The following ACTR3B variants were observed in gnomAD, a reference collection of about 807,000 sequenced individuals.
ACTR3B encodes the protein actin related protein 3B, also known as actin-related protein 3B.
A neutral mutation model predicts 59.0 loss-of-function variants in ACTR3B; 8 were observed. The observed-to-expected ratio is 0.14, with a 90% CI of 0.08 to 0.24. The LOEUF (loss-of-function observed/expected upper bound fraction) is 0.24, where lower values mean the gene tolerates loss of function less well. Ranked by LOEUF, ACTR3B falls within the 10% of genes least tolerant of loss-of-function variation. The pLI is 1.00. For missense variants in ACTR3B, 245 were observed against 552.3 expected, an observed-to-expected ratio of 0.44 and a Z score of 5.58; for synonymous variants, 148 against 197.9, an observed-to-expected ratio of 0.75 and a Z score of 2.12.
chr7:152,840,743 T>TGGAGG (rs1797820565), intron 9 of ACTR3B, among the ~76,000 whole-genome samples: 1 of 72,552 alleles, frequency 1.4e-5, no homozygotes, highest in African/African-American at 5.1e-5. Flanking sequence ...AGGTCCCCCT[T>TGGAGG]GTCCCCTGAA....
intron 1 of ACTR3B, among the ~76,000 whole-genome samples, chr7:152,769,965 G>A (rs1430267213): frequency 2.6e-5 from 4 of 151,252 alleles, no homozygotes; most frequent in Non-Finnish European, 5.9e-5. Flanking sequence ...ATGTTGCATT[G>A]GACCTGTATT....
intron 9 of ACTR3B, among the ~76,000 whole-genome samples, chr7:152,843,057 C>G (rs1797989366): frequency 6.6e-6 from 1 of 152,098 alleles, no homozygotes; most frequent in Non-Finnish European, 1.5e-5. Flanking sequence ...TAAGTGACAA[C>G]TCAATAGTAA....
intron 9 of ACTR3B, among the ~76,000 whole-genome samples, chr7:152,844,732 T>A (rs368107956): frequency 1.3e-5 from 2 of 149,466 alleles, no homozygotes; most frequent in East Asian, 4.0e-4. Context: ...CTAGTTTGAT[T>A]ACAGTGGTAA....
intron 2 of ACTR3B, 81 bp from the exon 3 acceptor site, chr7:152,800,450 T>A (rs1311130725): frequency 7.8e-6 from 12 of 1,536,534 alleles, no homozygotes; most frequent in Middle Eastern, 1.7e-4. Flanking sequence ...TACTTGTGTG[T>A]ATATAAGGAT....
chr7:152,804,911 A>G (rs2098247830), intron 4 of ACTR3B, among the ~76,000 whole-genome samples: 1 of 152,166 alleles, frequency 6.6e-6, no homozygotes, highest in Admixed American at 6.5e-5. Flanking sequence ...TCCCAGAGCC[A>G]GTACTCATTA....
chr7:152,827,749 T>C (rs1234361240), intron 9 of ACTR3B, among the ~76,000 whole-genome samples: 1 of 152,188 alleles, frequency 6.6e-6, no homozygotes, highest in Non-Finnish European at 1.5e-5. Context: ...ATAGAATGTT[T>C]GGTGGGCACC....
intron 4 of ACTR3B, among the ~76,000 whole-genome samples, chr7:152,805,030 A>G (rs2098248208): frequency 6.6e-6 from 1 of 151,924 alleles, no homozygotes; most frequent in Admixed American, 6.6e-5. Flanking sequence ...GCCTGCTCTC[A>G]TATTTGGCCT....
In ACTR3B at chr7:152,781,373, G is replaced by T. The variant is rs1590229752; in HGVS notation, c.45-1814G>T. Among the ~76,000 whole-genome samples, 3 of 151,976 alleles carry T rather than the reference G, an allele frequency of 2.0e-5. No individual in the cohort carries two copies. In the South Asian group the frequency reaches 6.2e-4, roughly 32 times the overall value. On this transcript the variant is annotated intron_variant, in intron 1 of 11. Transcript: ENST00000256001. Reference sequence around the variant, plus strand: ...GTCCTTCCGCTGGCGGTTTGACAATGATTACCTTTTTTACAACTGGTGAGA... The same window carrying T: ...GTCCTTCCGCTGGCGGTTTGACAATTATTACCTTTTTTACAACTGGTGAGA...
In ACTR3B at chr7:152,824,424, T is replaced by A. The variant is rs1486160875; in HGVS notation, c.859-606T>A. Among the ~76,000 whole-genome samples, 4 of 152,248 alleles carry A rather than the reference T, an allele frequency of 2.6e-5. No individual in the cohort carries two copies. The highest frequency in any genetic ancestry group is 4.8e-5 in the African/African-American group (2 of 41,462). Reference sequence around the variant, plus strand: ...CACATTCAAGCTTACTTTGATTTTTTAAAATATTTCAAATGAAATGTAATT... The same window carrying A: ...CACATTCAAGCTTACTTTGATTTTTAAAAATATTTCAAATGAAATGTAATT... On this transcript the variant is annotated intron_variant, in intron 8 of 11. Coordinates refer to ENST00000256001, the MANE Select transcript of ACTR3B (RefSeq NM_020445.6). This position sits in a 1 kb window ranked among gnomAD's most constrained non-coding sequence, Gnocchi z 4.2.
chr7:152,777,693 G>A (rs1411874174), intron 1 of ACTR3B, among the ~76,000 whole-genome samples: 2 of 152,082 alleles, frequency 1.3e-5, no homozygotes, highest in Non-Finnish European at 1.5e-5. Flanking sequence ...GGTGGCTCAC[G>A]CCTGCAATCC....
chr7:152,820,821 C>G (rs1796086006), intron 7 of ACTR3B, among the ~76,000 whole-genome samples: 1 of 152,250 alleles, frequency 6.6e-6, no homozygotes. Context: ...ACCCTAGGAT[C>G]CAGAGCTATT....
chr7:152,773,602 G>A (rs1263074766), intron 1 of ACTR3B, among the ~76,000 whole-genome samples: 2 of 151,826 alleles, frequency 1.3e-5, no homozygotes, highest in Non-Finnish European at 2.9e-5. Context: ...AAAGCAAAAG[G>A]ATGGTTCAAA....
At chr7:152,773,213 T>C (rs931497952) in intron 1 of ACTR3B, among the ~76,000 whole-genome samples, 1 of 149,996 alleles carries the variant, frequency 6.7e-6, no homozygotes, top group African/African-American at 2.5e-5. Flanking sequence ...TAAATTCACT[T>C]TCTGTACTAA....
chr7:152,846,626 T>C (rs1590455673), intron 9 of ACTR3B, among the ~76,000 whole-genome samples: 1 of 143,892 alleles, frequency 6.9e-6, no homozygotes, highest in African/African-American at 2.6e-5. Flanking sequence ...GGCTGCAGTC[T>C]GTAGTGAGCC....
At chr7:152,833,208 G>A (rs959623858) in intron 9 of ACTR3B, among the ~76,000 whole-genome samples, 11 of 152,206 alleles carry the variant, frequency 7.2e-5, no homozygotes, top group Non-Finnish European at 1.0e-4. Context: ...AGACGTGTGG[G>A]TAATCCTTGT....
At chr7:152,778,937 T>C in intron 1 of ACTR3B, among the ~76,000 whole-genome samples, 1 of 87,584 alleles carries the variant, frequency 1.1e-5, no homozygotes, top group Non-Finnish European at 2.0e-5. Flanking sequence ...AGTGAGACTG[T>C]GTCTCCAAAA....
intron 2 of ACTR3B, among the ~76,000 whole-genome samples, chr7:152,795,931 C>T (rs757725610): frequency 7.3e-5 from 11 of 151,616 alleles, no homozygotes; most frequent in Non-Finnish European, 1.2e-4. Context: ...GCAACCTCTG[C>T]CTCCCAAGTT....
intron 1 of ACTR3B, among the ~76,000 whole-genome samples, chr7:152,777,125 A>G (rs2098137938): frequency 6.6e-6 from 1 of 152,126 alleles, no homozygotes; most frequent in South Asian, 2.1e-4. Flanking sequence ...AAAATTTTTG[A>G]TAGCTAATGT....
chr7:152,774,618 C>G (rs537590256), intron 1 of ACTR3B, among the ~76,000 whole-genome samples: 5 of 151,656 alleles, frequency 3.3e-5, no homozygotes, highest in African/African-American at 1.2e-4. Context: ...GTTCAGAATC[C>G]ACAAAAGGGC....
Sources: allele counts gnomAD v4.1 joint callset (sites outside exome capture counted in the v4.1 genomes callset), GRCh38; gene constraint gnomAD v4.1.1; non-coding constraint Gnocchi (gnomAD v3.1); transcripts MANE v1.5; gene names NCBI Gene and HGNC (gene_info 2026-07-23, HGNC 2026-07-21).